Variants in TRPM1 observed in about 807,000 individuals in gnomAD.
TRPM1 encodes the protein transient receptor potential cation channel subfamily M member 1, also known as TRPM1-203 APA Isoform, Intron 10.
A neutral mutation model predicts 149.4 loss-of-function variants in TRPM1; 113 were observed. The observed-to-expected ratio is 0.76, with a 90% CI of 0.65 to 0.88. The LOEUF (loss-of-function observed/expected upper bound fraction) is 0.88. Among genes scored for constraint, TRPM1 ranks in the 40% least tolerant of loss-of-function variants. The pLI, the probability that TRPM1 is intolerant of heterozygous loss-of-function variation, is 0.00. For synonymous variants in TRPM1, 741 were observed against 759.5 expected, an observed-to-expected ratio of 0.98 and a Z score of 0.40; for missense variants, 1,976 against 2,038.7, an observed-to-expected ratio of 0.97 and a Z score of 0.59.
At chr15:31,122,884 A>G (rs2035899080) in intron 1 of TRPM1, among the ~76,000 whole-genome samples, 1 of 152,214 alleles carries the variant, frequency 6.6e-6, no homozygotes. Flanking sequence ...TAAGCAACAT[A>G]ATACTGAAGA....
chr15:31,147,101 T>A (rs2036233408), intron 1 of TRPM1, among the ~76,000 whole-genome samples: 1 of 152,198 alleles, frequency 6.6e-6, no homozygotes, highest in African/African-American at 2.4e-5. Flanking sequence ...TTAACTTATC[T>A]TTTTTTATGG....
chr15:31,086,168 G>A (rs566519723), intron 1 of TRPM1, among the ~76,000 whole-genome samples: 2 of 152,308 alleles, frequency 1.3e-5, no homozygotes, highest in South Asian at 4.1e-4. Flanking sequence ...GAAAAGGGTG[G>A]GACCACTGGG....
At chr15:31,037,621 CT>C in intron 20 of TRPM1, 89 bp downstream of exon 20, 2 of 1,568,264 alleles carry the variant, frequency 1.3e-6, no homozygotes, top group Non-Finnish European at 1.8e-6. Flanking sequence ...TTTTTAGATA[CT>C]TTTTTAAGCC....
chr15:31,035,742 T>C (rs2033339616), intron 20 of TRPM1, 68 bp from the exon 21 acceptor site: 3 of 1,609,840 alleles, frequency 1.9e-6, no homozygotes, highest in Admixed American at 3.3e-5. Flanking sequence ...TGAAACGCTG[T>C]TTTCTTTCAG....
At chr15:31,140,295 C>G (rs1309892252) in intron 1 of TRPM1, among the ~76,000 whole-genome samples, 1 of 151,822 alleles carries the variant, frequency 6.6e-6, no homozygotes, top group East Asian at 1.9e-4. Flanking sequence ...ATGAGAATCA[C>G]TTGAACCCAG....
intron 26 of TRPM1, 22 bp from the exon 27 acceptor site, chr15:31,026,293 G>A (rs1471415745): frequency 2.5e-6 from 4 of 1,607,454 alleles, no homozygotes; most frequent in East Asian, 4.5e-5. Flanking sequence ...GAGAAGTGTC[G>A]GCCACGTGAA....
At position 31,038,110 on chromosome 15, in the gene TRPM1, A is replaced by T. The variant is rs12913672; in HGVS notation, c.2373T>A (p.Tyr791Ter). Residue 791 changes from tyrosine to a stop codon, truncating the protein, a stop_gained, in exon 19 of 28, where the codon TAT becomes TAA. Transcript: ENST00000256552. LOFTEE classifies it high-confidence loss of function. ...PTILFLEFRT[Y>*]DDFSYQTSKE... ...TGGATGTTTGATACGAGAAATCATC[A>T]TATGTGCGAAATTCCAAAAACAAGA... The T allele has an allele frequency of 3.7e-6, 6 of 1,613,814 alleles. No homozygotes were observed. In the South Asian group the frequency reaches 6.6e-5, roughly 18 times the overall value.
chr15:31,002,069 G>GACA lies in TRPM1; in HGVS notation c.4628_4630dup (p.Leu1543dup). On this transcript the variant is annotated inframe_insertion, in exon 28 of 28. Transcript: ENST00000256552. ...CCCATTTCTGTCAGTAATGGTTAGG[G>GACA]ACAAGCGAGGGATTCGAGGAATTGC... 6.2e-7 allele frequency: 1 copy of GACA among 1,614,226 alleles called. No individual in the cohort carries two copies.
In TRPM1 at chr15:31,068,055, AGTG is replaced by A; in HGVS notation, c.314_316del (p.Ser105del). 1.9e-6 allele frequency: 3 copies of A among 1,614,216 alleles called. No individual in the cohort carries two copies. In the Middle Eastern group the frequency reaches 4.9e-4, roughly 266 times the overall value. Reference sequence around the variant, plus strand: ...CCAATCTTTCACCATGAGATGGAGCAGTGAGTCTGGCTTGGTGTCATAGGATAC... The same window carrying A: ...CCAATCTTTCACCATGAGATGGAGCAAGTCTGGCTTGGTGTCATAGGATAC... On this transcript the variant is annotated inframe_deletion, in exon 5 of 28. Coordinates refer to ENST00000256552, the MANE Select transcript of TRPM1 (RefSeq NM_001252024.2).
At chr15:31,159,952 C>T (rs1346871411) in intron 1 of TRPM1, among the ~76,000 whole-genome samples, 4 of 152,086 alleles carry the variant, frequency 2.6e-5, no homozygotes. Context: ...AGCTGGGGGG[C>T]TGTATCCTCC....
At chr15:31,029,068 A>G (rs975164373) in intron 24 of TRPM1, among the ~76,000 whole-genome samples, 2 of 152,266 alleles carry the variant, frequency 1.3e-5, no homozygotes, top group Admixed American at 1.3e-4. Context: ...GATTTCCTCT[A>G]CTTCCCAAAT....
chr15:31,039,786 C>A (rs143028394), intron 18 of TRPM1, among the ~76,000 whole-genome samples: 1 of 152,212 alleles, frequency 6.6e-6, no homozygotes, highest in East Asian at 1.9e-4. Flanking sequence ...AACCAGGGTG[C>A]GTGTGCATAC....
chr15:31,036,430 G>T lies in TRPM1; in HGVS notation c.2572-756C>A, dbSNP rs866340559. On this transcript the variant is annotated intron_variant, in intron 20 of 27. Coordinates refer to ENST00000256552, the MANE Select transcript of TRPM1 (RefSeq NM_001252024.2). ...TGAGTATTTGTAACTGGGCAGTTTG[G>T]TTTTTTTTTCTTTTTTTTCAAGATC... is the stretch of plus-strand genomic sequence containing the variant. 8.5e-3 allele frequency among the ~76,000 whole-genome samples: 1,285 copies of T among 151,154 alleles called. 11 individuals are homozygous for T. Among genetic ancestry groups the T allele is most frequent in the Non-Finnish European group, 0.014 (914 of 67,652 alleles).
rs1001057986 is a variant in TRPM1 at position 31,063,138 on chromosome 15, G to T, written c.945C>A (p.His315Gln). The change falls in exon 8 of 28, where the codon CAC (histidine) becomes CAA (glutamine). Residue 315 changes from histidine to glutamine, a missense_variant. Transcript: ENST00000256552. ...CCTACCCGCCTTCTTCACAGTACTT[G>T]TGCGCAAAGGACAGGATGTCCGAGG... ...GRASDILSFA[H>Q]KYCEEGGIIN... 6.2e-7 allele frequency: 1 copy of T among 1,614,184 alleles called. No homozygotes were observed. Among genetic ancestry groups the T allele is most frequent in the Non-Finnish European group, 8.5e-7 (1 of 1,180,038 alleles).
At chr15:31,153,766 ATGT>A (rs2036333135) in intron 1 of TRPM1, among the ~76,000 whole-genome samples, 1 of 152,174 alleles carries the variant, frequency 6.6e-6, no homozygotes. Flanking sequence ...TGTGAGCCAC[ATGT>A]TGTCAGGAGC....
At chr15:31,065,131 T>C (rs776869421) in intron 7 of TRPM1, 1 of 534,674 alleles carries the variant, frequency 1.9e-6, no homozygotes, top group African/African-American at 1.9e-5. Flanking sequence ...ACAAGTCACA[T>C]GGCCAGGTGA....
chr15:31,135,122 G>A lies in TRPM1; in HGVS notation c.54+25784C>T, dbSNP rs375393654. Among the ~76,000 whole-genome samples the A allele has an allele frequency of 5.8e-4, 88 of 152,194 alleles. 3 individuals are homozygous for A. In the South Asian group the frequency reaches 0.017, roughly 29 times the overall value. On this transcript the variant is annotated intron_variant, in intron 1 of 26. Coordinates refer to the TRPM1 transcript ENST00000542188. ...TCTGTCTTTTGTTACAAGAAGTCCC[G>A]GTAAGAACTCATGAAGGGTGAAGGA...
chr15:31,053,310 G>C (rs1320025186), intron 11 of TRPM1, among the ~76,000 whole-genome samples: 1 of 152,076 alleles, frequency 6.6e-6, no homozygotes, highest in African/African-American at 2.4e-5. Context: ...GAGTGCAGTG[G>C]CACGATGTTG....
intron 1 of TRPM1, among the ~76,000 whole-genome samples, chr15:31,158,139 G>A (rs1348767749): frequency 6.6e-6 from 1 of 152,066 alleles, no homozygotes; most frequent in Non-Finnish European, 1.5e-5. Context: ...CTTAAGTGAG[G>A]GCTTTTATAA....
Sources: gnomAD v4.1 joint callset for allele counts (sites outside exome capture counted in the v4.1 genomes callset) on GRCh38, gnomAD v4.1.1 for gene constraint, MANE v1.5 for transcripts, NCBI Gene and HGNC (gene_info 2026-07-23, HGNC 2026-07-21) for gene names.